Variants in CEP70 observed in about 807,000 individuals in gnomAD.
CEP70 encodes centrosomal protein of 70 kDa.
Under a neutral mutation model 90.9 loss-of-function variants are expected in CEP70, and 70 were observed. That is an observed-to-expected ratio of 0.77 (90% confidence interval 0.64 to 0.94). CEP70 has a LOEUF of 0.94. CEP70 is among the 40% of genes least tolerant of loss of function. The pLI is 0.00. For missense variants in CEP70, 648 were observed against 669.0 expected, an observed-to-expected ratio of 0.97 and a Z score of 0.35; for synonymous variants, 220 against 228.3, an observed-to-expected ratio of 0.96 and a Z score of 0.33.
At chr3:138,527,329 AT>A (rs534956538) in intron 10 of CEP70, among the ~76,000 whole-genome samples, 216 of 143,284 alleles carry the variant, frequency 1.5e-3, no homozygotes, top group East Asian at 2.7e-3. Context: ...TGCCTGGCTA[AT>A]TTTTTTTTTT....
intron 13 of CEP70, among the ~76,000 whole-genome samples, chr3:138,501,460 T>A (rs2034503084): frequency 6.6e-6 from 1 of 152,168 alleles, no homozygotes; most frequent in Non-Finnish European, 1.5e-5. Flanking sequence ...TCCCTGCAGC[T>A]CCTAGGGTTA....
At chr3:138,526,443 G>A (rs942144742) in intron 10 of CEP70, among the ~76,000 whole-genome samples, 1 of 152,148 alleles carries the variant, frequency 6.6e-6, no homozygotes, top group Non-Finnish European at 1.5e-5. Context: ...TTACAGGTGT[G>A]AGCCACCACG....
At chr3:138,513,631 CCT>C (rs1362373273) in intron 11 of CEP70, among the ~76,000 whole-genome samples, 1 of 152,116 alleles carries the variant, frequency 6.6e-6, no homozygotes, top group Non-Finnish European at 1.5e-5. Flanking sequence ...TCTTGTTTAT[CCT>C]ATAGCAGTAA....
At chr3:138,498,681 T>G (rs1432617196) in intron 16 of CEP70, among the ~76,000 whole-genome samples, 1 of 152,146 alleles carries the variant, frequency 6.6e-6, no homozygotes, top group Non-Finnish European at 1.5e-5. Context: ...AGCTCAAGGC[T>G]TCTTAGATCA....
intron 7 of CEP70, among the ~76,000 whole-genome samples, chr3:138,533,064 A>G (rs908907095): frequency 2.6e-5 from 4 of 152,134 alleles, no homozygotes; most frequent in African/African-American, 9.7e-5. Flanking sequence ...GGCGGATCAC[A>G]AGGTCAGCAG....
chr3:138,586,675 G>T (rs186709578), intron 2 of CEP70, among the ~76,000 whole-genome samples: 2 of 152,136 alleles, frequency 1.3e-5, no homozygotes, highest in African/African-American at 4.8e-5. Flanking sequence ...GTTACCAAAG[G>T]CTGGGAAGAG....
rs1309657300 is a variant in CEP70, at chr3:138,525,538, TA to T, written c.895del (p.Tyr299IlefsTer5). 11 of 1,419,616 alleles carry T rather than the reference TA, an allele frequency of 7.7e-6. No homozygotes were observed. Among genetic ancestry groups the T allele is most frequent in the Non-Finnish European group, 9.3e-6 (10 of 1,078,558 alleles). The allele number at this position is 1,419,616 out of a possible 1,614,324, so 87.9% of individuals were successfully genotyped here. A position where few individuals can be genotyped will look rare whatever the true frequency, so the allele number is the denominator to read the frequency against. ...TTCCAGCTTCTTCACCTGCTGTTTA[TA>T]AAGTCTTAATTCATGCTGCGTAGGC... ...TRPTQHELRL[Y>X]KQQVKKLEKA... On this transcript the variant is annotated frameshift_variant, in exon 11 of 18. Coordinates refer to ENST00000264982, the MANE Select transcript of CEP70 (RefSeq NM_024491.4). LOFTEE classifies it high-confidence loss of function.
chr3:138,546,209 C>T (rs1453705559), intron 6 of CEP70, among the ~76,000 whole-genome samples: 4 of 151,984 alleles, frequency 2.6e-5, no homozygotes, highest in African/African-American at 9.7e-5. Flanking sequence ...TTTCTCAGAC[C>T]AGCCAACACT....
intron 2 of CEP70, 76 bp downstream of exon 2, chr3:138,591,778 G>T: frequency 8.8e-7 from 1 of 1,136,852 alleles, no homozygotes; most frequent in South Asian, 1.3e-5. Flanking sequence ...AATGAACCTA[G>T]TATAGTACTC....
chr3:138,537,420 C>T, intron 6 of CEP70, 73 bp from the exon 7 acceptor site: 1 of 979,552 alleles, frequency 1.0e-6, no homozygotes, highest in Non-Finnish European at 1.4e-6. Context: ...GTATTGTACA[C>T]AAAGGCATCT....
chr3:138,524,429 T>G (rs2036998492), intron 11 of CEP70, among the ~76,000 whole-genome samples: 1 of 151,406 alleles, frequency 6.6e-6, no homozygotes, highest in African/African-American at 2.4e-5. Flanking sequence ...ACCATCAGAG[T>G]GAACAGAATG....
chr3:138,582,983 T>C (rs2041943212), intron 2 of CEP70, among the ~76,000 whole-genome samples: 1 of 151,890 alleles, frequency 6.6e-6, no homozygotes, highest in East Asian at 1.9e-4. Context: ...AACAACAAAA[T>C]GACAGTAGTA....
At chr3:138,569,205 G>A (rs1451986928) in intron 6 of CEP70, among the ~76,000 whole-genome samples, 7 of 151,940 alleles carry the variant, frequency 4.6e-5, no homozygotes, top group African/African-American at 1.7e-4. Context: ...TAATTCTCTC[G>A]GACTCCATGG....
chr3:138,498,061 C>T lies in CEP70; in HGVS notation c.1702G>A (p.Ala568Thr). 6.2e-7 allele frequency: 1 copy of T among 1,613,146 alleles called. No individual in the cohort carries two copies. The highest frequency in any genetic ancestry group is 1.1e-5 in the South Asian group (1 of 90,922). The change falls in exon 17 of 18, where the codon GCA (alanine) becomes ACA (threonine). Residue 568 changes from alanine (A) to threonine (T), a missense_variant. Transcript: ENST00000264982. ...ATTTCAAGTAGATCATTAGTAAATG[C>T]CTGAAATGCTGGGAAAAATTCCTCG... ...EHEEFFPAFQ[A>T]FTNDLLEILE... is the part of the protein sequence containing the mutation.
intron 6 of CEP70, among the ~76,000 whole-genome samples, chr3:138,566,881 C>T (rs1161736352): frequency 6.6e-6 from 1 of 151,540 alleles, no homozygotes; most frequent in Non-Finnish European, 1.5e-5. Flanking sequence ...AGGTATCTAC[C>T]CAAGAAAACT....
intron 11 of CEP70, among the ~76,000 whole-genome samples, chr3:138,520,918 C>T (rs1184224186): frequency 6.6e-6 from 1 of 152,168 alleles, no homozygotes; most frequent in Non-Finnish European, 1.5e-5. Context: ...GCCTGATTCT[C>T]CTGCCTCAGC....
rs56826450 is a variant in CEP70 at position 138,499,783 on chromosome 3, T to TACACACACACAC, written c.1652+315_1652+326dup. ...GCAACCTTGTCTCTATCTCTCTCTC[T>TACACACACACAC]ACACACACACACACACACACACAAA... On this transcript the variant is annotated intron_variant, in intron 16 of 17. Transcript: ENST00000264982. 2.0e-3 allele frequency: 382 copies of TACACACACACAC among 193,202 alleles called. 2 individuals are homozygous for TACACACACACAC. Among genetic ancestry groups the TACACACACACAC allele is most frequent in the Middle Eastern group, 4.5e-3 (2 of 442 alleles). 12.0% of individuals were successfully genotyped at this position (193,202 alleles called of 1,614,324 possible). A position where few individuals can be genotyped will look rare whatever the true frequency, so the allele number is the denominator to read the frequency against.
rs1553830022 is a variant in CEP70 at position 138,500,503 on chromosome 3, T to G, written c.1433A>C (p.Asp478Ala). 6.2e-7 allele frequency: 1 copy of G among 1,612,774 alleles called. No individual in the cohort carries two copies. The stretch of plus-strand genomic sequence containing the variant: ...ATAGACTCCATTTAAAGAAGGCACA[T>G]CAAATAACTTTTGGAAGTGAGAAAC... Reference protein sequence around the residue: ...AIVSHFQKLFDVPSLNGVYPR... With the variant: ...AIVSHFQKLFAVPSLNGVYPR... Residue 478 changes from aspartate to alanine, a missense_variant, in exon 15 of 18, where the codon GAT becomes GCT. Asp to Ala is a moderately radical substitution (Grantham distance 126, BLOSUM62 -2). Transcript: ENST00000264982.
chr3:138,528,178 G>A (rs2037473747), intron 10 of CEP70, among the ~76,000 whole-genome samples: 1 of 151,540 alleles, frequency 6.6e-6, no homozygotes, highest in Non-Finnish European at 1.5e-5. Flanking sequence ...CGGAGTAGCT[G>A]GGACTACAGC....
Sources: allele counts gnomAD v4.1 joint callset (sites outside exome capture counted in the v4.1 genomes callset), GRCh38; gene constraint gnomAD v4.1.1; transcripts MANE v1.5; gene names NCBI Gene and HGNC (gene_info 2026-07-23, HGNC 2026-07-21).